Variants in ARID1B observed in about 807,000 individuals in gnomAD.
The protein encoded by ARID1B is AT-rich interactive domain-containing protein 1B.
Under a neutral mutation model 212.3 loss-of-function variants are expected in ARID1B, and 30 were observed. The ratio of observed to expected loss-of-function variants is 0.14; its 90% CI spans 0.11 to 0.19. The LOEUF is 0.19. ARID1B is among the 10% of genes least tolerant of loss of function. ARID1B has a pLI of 1.00. For synonymous variants in ARID1B, 1,402 were observed against 1,301.7 expected (o/e 1.08, Z -1.66); for missense variants, 2,891 against 3,204.0 (o/e 0.90, Z 2.36).
intron 11 of ARID1B, among the ~76,000 whole-genome samples, chr6:157,178,112 A>T (rs758611525): frequency 6.6e-6 from 1 of 152,006 alleles, no homozygotes; most frequent in African/African-American, 2.4e-5. Context: ...AGCGGACGCA[A>T]CCTCTTGCTC....
At chr6:156,824,181 C>T (rs1782584081) in intron 1 of ARID1B, among the ~76,000 whole-genome samples, 1 of 152,146 alleles carries the variant, frequency 6.6e-6, no homozygotes, top group African/African-American at 2.4e-5. Flanking sequence ...AAAGTCTTAT[C>T]AAGTAAAAAA....
At chr6:157,121,879 C>T (rs1453000245) in intron 6 of ARID1B, among the ~76,000 whole-genome samples, 2 of 152,174 alleles carry the variant, frequency 1.3e-5, no homozygotes, top group African/African-American at 2.4e-5. Context: ...CCACCCGCCT[C>T]AGCCTCCAAA....
At position 157,210,729 on chromosome 6, in the gene ARID1B, ATAAAG is replaced by A. The variant is rs1794714731; in HGVS notation, c.*2839_*2843del. The A allele has an allele frequency of 1.3e-5, 3 of 231,862 alleles. No homozygotes were observed. Among genetic ancestry groups the A allele is most frequent in the Admixed American group, 1.1e-4 (2 of 17,716 alleles). 14.4% of individuals were successfully genotyped at this position (231,862 alleles called of 1,614,324 possible). A position where few individuals can be genotyped will look rare whatever the true frequency, so the allele number is the denominator to read the frequency against. On this transcript the variant is annotated 3_prime_UTR_variant, in exon 20 of 20. Coordinates refer to ENST00000636930, the MANE Select transcript of ARID1B (RefSeq NM_001374828.1). ...ACCAAAAAAAAAAAAAAGATAAAAA[ATAAAG>A]GTGCAAAGAAAGTTTAGTATTTTGG...
intron 2 of ARID1B, among the ~76,000 whole-genome samples, chr6:156,845,089 G>GGA (rs2128095247): frequency 4.9e-5 from 1 of 20,340 alleles, no homozygotes; most frequent in East Asian, 5.5e-4. Flanking sequence ...TAATTTAGGA[G>GGA]ACATCTTCAG....
chr6:156,900,865 T>C (rs1276334205), intron 2 of ARID1B, among the ~76,000 whole-genome samples: 1 of 152,240 alleles, frequency 6.6e-6, no homozygotes, highest in African/African-American at 2.4e-5. Context: ...GTAAATAAAA[T>C]TGATAATTTA....
chr6:156,976,875 A>G (rs777039207), intron 4 of ARID1B: 3 of 577,654 alleles, frequency 5.2e-6, no homozygotes, highest in Non-Finnish European at 1.0e-5. Context: ...TGTGAACCTC[A>G]CAGGCGGGCT....
intron 4 of ARID1B, among the ~76,000 whole-genome samples, chr6:157,039,882 T>TCTTCCTTCCTTCCTTCCTTCCTTCCTTC (rs146558678): frequency 5.9e-4 from 40 of 67,266 alleles, no homozygotes; most frequent in African/African-American, 2.1e-3. Context: ...CTTTCTTTTC[T>TCTTCCTTCCTTCCTTCCTTCCTTCCTTC]CTTCCTTCCT....
At chr6:156,899,769 G>A (rs1788773537) in intron 2 of ARID1B, among the ~76,000 whole-genome samples, 1 of 152,140 alleles carries the variant, frequency 6.6e-6, no homozygotes, top group Non-Finnish European at 1.5e-5. Flanking sequence ...CTTCCATATT[G>A]TGTGTGAGGG....
chr6:156,845,490 A>G (rs1784174225), intron 2 of ARID1B, among the ~76,000 whole-genome samples: 1 of 152,058 alleles, frequency 6.6e-6, no homozygotes. Flanking sequence ...GGTGGCCTTA[A>G]TGGGTGGATT....
intron 11 of ARID1B, 49 bp downstream of exon 11, chr6:157,175,054 G>C: frequency 1.5e-6 from 2 of 1,299,266 alleles, no homozygotes; most frequent in South Asian, 2.8e-5. Context: ...TGTTTTTTTG[G>C]GGTTTTTTGA....
At chr6:156,962,753 G>A (rs1321374263) in intron 4 of ARID1B, among the ~76,000 whole-genome samples, 2 of 152,112 alleles carry the variant, frequency 1.3e-5, no homozygotes, top group African/African-American at 4.8e-5. Context: ...AAAGTGTGGG[G>A]ATTACAGGTG....
chr6:157,082,317 G>A (rs761818095), intron 4 of ARID1B, among the ~76,000 whole-genome samples: 6 of 152,090 alleles, frequency 3.9e-5, no homozygotes, highest in African/African-American at 1.4e-4. Flanking sequence ...AGCTTTTTCC[G>A]TTAAGGGCCA....
At chr6:156,949,683 G>A (rs1793434804) in intron 4 of ARID1B, among the ~76,000 whole-genome samples, 1 of 152,206 alleles carries the variant, frequency 6.6e-6, no homozygotes, top group Non-Finnish European at 1.5e-5. Context: ...GAATGTTGGT[G>A]TAAATGCCAC....
At chr6:156,908,654 C>G (rs1005684780) in intron 3 of ARID1B, among the ~76,000 whole-genome samples, 5 of 151,718 alleles carry the variant, frequency 3.3e-5, no homozygotes, top group African/African-American at 7.3e-5. Context: ...AATTTTTTCT[C>G]TTAAGTACTG....
chr6:157,206,473 C>G lies in ARID1B; in HGVS notation c.5701C>G (p.Pro1901Ala), dbSNP rs762046160. The G allele has an allele frequency of 6.2e-7, 1 of 1,614,064 alleles. No homozygotes were observed. The highest frequency in any genetic ancestry group is 8.5e-7 in the Non-Finnish European group (1 of 1,180,042). ...CGCCGCTGCAGACCCAAAGGAGAAG[C>G]CCAAGCAAGCCAGTAAGTTCGACAA... ...PDAAADPKEK[P>A]KQASKFDKLP... Residue 1901 changes from proline to alanine, a missense_variant, in exon 20 of 20, where the codon CCC becomes GCC. By Grantham distance (27) the Pro-to-Ala change is conservative. Around this residue, in one of 7 missense-constraint regions of ARID1B, gnomAD observed 332 missense variants for 369.2 expected, o/e 0.90. Transcript: ENST00000636930. This position sits in a 1 kb window ranked among gnomAD's most constrained non-coding sequence, Gnocchi z 6.8.
chr6:157,134,018 T>C (rs1305315981), intron 7 of ARID1B, among the ~76,000 whole-genome samples: 2 of 152,238 alleles, frequency 1.3e-5, no homozygotes, highest in African/African-American at 4.8e-5. Flanking sequence ...GAGTGGATAA[T>C]TTAGAGAGAA....
rs867808622 is a variant in ARID1B, at chr6:156,888,686, C to T, written c.1987-12690C>T. 7.9e-5 allele frequency among the ~76,000 whole-genome samples: 12 copies of T among 152,264 alleles called. No homozygotes were observed. In the South Asian group the frequency reaches 8.3e-4, roughly 11 times the overall value. ...TTTGGGATGGAAACAACCAAATCCC[C>T]GTGAGGCAAGGCAGCTCAGGCCTTT... On this transcript the variant is annotated intron_variant, in intron 2 of 19. Coordinates refer to ENST00000636930, the MANE Select transcript of ARID1B (RefSeq NM_001374828.1).
chr6:156,840,411 C>T (rs759783207), intron 2 of ARID1B, among the ~76,000 whole-genome samples: 18 of 152,332 alleles, frequency 1.2e-4, no homozygotes, highest in African/African-American at 4.1e-4. Context: ...TGGCCTAGGC[C>T]GGCAGGGACT....
chr6:156,983,998 T>C (rs1777774183), intron 4 of ARID1B, among the ~76,000 whole-genome samples: 2 of 152,130 alleles, frequency 1.3e-5, no homozygotes, highest in Non-Finnish European at 2.9e-5. Flanking sequence ...CGTTTACAAA[T>C]CACTTCAAAA....
Sources: allele counts gnomAD v4.1 joint callset (sites outside exome capture counted in the v4.1 genomes callset), GRCh38; gene constraint gnomAD v4.1.1; regional missense constraint gnomAD v4.1.1; non-coding constraint Gnocchi (gnomAD v3.1); transcripts MANE v1.5; gene names NCBI Gene and HGNC (gene_info 2026-07-23, HGNC 2026-07-21).